The following TENM2 variants were observed in gnomAD, a reference collection of about 807,000 sequenced individuals.
TENM2 encodes teneurin transmembrane protein 2.
TENM2 carries 52 observed loss-of-function variants against 245.2 expected under a neutral mutation model. That is an observed-to-expected ratio of 0.21 (90% CI 0.17 to 0.27). The LOEUF is 0.27. TENM2 is among the 10% of genes least tolerant of loss of function. The probability of loss-of-function intolerance (pLI) is 1.00; values close to 1 mark genes in which losing one functional copy is unlikely to be tolerated. For missense variants in TENM2, 3,046 were observed against 3,666.8 expected (o/e 0.83, Z 4.37); for synonymous variants, 1,363 against 1,438.9 (o/e 0.95, Z 1.19).
chr5:167,532,356 T>G (rs913559818), intron 2 of TENM2, among the ~76,000 whole-genome samples: 17 of 152,058 alleles, frequency 1.1e-4, no homozygotes, highest in African/African-American at 4.1e-4. Flanking sequence ...AAGTTGCTAA[T>G]AAAGACATAC....
chr5:167,503,152 A>G (rs1306464421), intron 2 of TENM2, among the ~76,000 whole-genome samples: 2 of 152,198 alleles, frequency 1.3e-5, no homozygotes, highest in South Asian at 4.1e-4. Flanking sequence ...TACTAATCAA[A>G]GTAATACATT....
chr5:168,150,856 T>C (rs1193729854), intron 12 of TENM2, among the ~76,000 whole-genome samples: 1 of 152,216 alleles, frequency 6.6e-6, no homozygotes, highest in African/African-American at 2.4e-5. Flanking sequence ...ATTATGACCC[T>C]GGGAAAGTTA....
the TENM2 span, among the ~76,000 whole-genome samples, chr5:167,020,942 G>A: frequency 1.3e-5 from 2 of 152,136 alleles, no homozygotes; most frequent in African/African-American, 4.8e-5. Flanking sequence ...TTAGGAGTTC[G>A]AGTGCAGCCT....
intron 23 of TENM2, among the ~76,000 whole-genome samples, chr5:168,220,670 T>C (rs1020461575): frequency 2.0e-5 from 3 of 152,096 alleles, no homozygotes; most frequent in Admixed American, 6.6e-5. Context: ...GATCAGCCAA[T>C]TGGAAGACAC....
At chr5:167,458,998 A>G (rs1235145234) in intron 2 of TENM2, among the ~76,000 whole-genome samples, 1 of 152,244 alleles carries the variant, frequency 6.6e-6, no homozygotes, top group African/African-American at 2.4e-5. Flanking sequence ...GGTAAAACAC[A>G]TAACATAAAA....
At chr5:167,740,025 G>T (rs762917005) in intron 2 of TENM2, among the ~76,000 whole-genome samples, 9 of 152,174 alleles carry the variant, frequency 5.9e-5, no homozygotes, top group African/African-American at 2.2e-4. Context: ...AGATGCGGGG[G>T]TTTCTGCGAT....
intron 2 of TENM2, among the ~76,000 whole-genome samples, chr5:167,564,483 T>C (rs1773778336): frequency 6.6e-6 from 1 of 152,152 alleles, no homozygotes; most frequent in Admixed American, 6.5e-5. Context: ...GGAGTAAGAT[T>C]ATCTGGCTTA....
At chr5:168,147,913 G>A (rs1581447420) in intron 12 of TENM2, among the ~76,000 whole-genome samples, 2 of 152,214 alleles carry the variant, frequency 1.3e-5, no homozygotes, top group Admixed American at 6.5e-5. Flanking sequence ...AATGCTGGTG[G>A]TATGGAATTG....
chr5:167,515,674 T>TATATACACATATATAC (rs1770326140), intron 2 of TENM2, among the ~76,000 whole-genome samples: 3 of 128,614 alleles, frequency 2.3e-5, no homozygotes, highest in African/African-American at 1.2e-4. Flanking sequence ...TATATGTGTA[T>TATATACACATATATAC]ATATATTTTG....
intron 1 of TENM2, among the ~76,000 whole-genome samples, chr5:167,295,866 C>A (rs575733604): frequency 6.6e-6 from 1 of 152,282 alleles, no homozygotes; most frequent in Middle Eastern, 3.4e-3. Flanking sequence ...TTCCACTCAA[C>A]CTCAAGTCAG....
At chr5:167,338,175 G>A (rs1462084512) in intron 1 of TENM2, among the ~76,000 whole-genome samples, 2 of 152,164 alleles carry the variant, frequency 1.3e-5, no homozygotes, top group Non-Finnish European at 2.9e-5. Context: ...ATAGCAGAAC[G>A]TTACAAAGTT....
At chr5:167,937,831 A>G (rs1004605255) in intron 3 of TENM2, 5 of 152,136 alleles carry the variant, frequency 3.3e-5, no homozygotes, top group African/African-American at 1.2e-4. Flanking sequence ...AGAGATGAGG[A>G]CTGGATGATT....
chr5:168,025,450 G>C (rs767475665), intron 5 of TENM2, among the ~76,000 whole-genome samples: 1 of 152,154 alleles, frequency 6.6e-6, no homozygotes, highest in African/African-American at 2.4e-5. Flanking sequence ...GTTAGTGTTG[G>C]GTAATTGTTC....
intron 2 of TENM2, among the ~76,000 whole-genome samples, chr5:167,578,978 A>T (rs2127676991): frequency 6.6e-6 from 1 of 152,310 alleles, no homozygotes; most frequent in South Asian, 2.1e-4. Context: ...TTACCAGCCT[A>T]TTCAGGTGGA....
the TENM2 span, among the ~76,000 whole-genome samples, chr5:166,980,492 A>C: frequency 2.6e-4 from 39 of 152,312 alleles, no homozygotes; most frequent in Non-Finnish European, 3.8e-4. Context: ...TTTAAAAATT[A>C]ATATACAACA....
intron 7 of TENM2, among the ~76,000 whole-genome samples, chr5:168,062,869 A>G (rs555995186): frequency 6.6e-6 from 1 of 152,314 alleles, no homozygotes; most frequent in South Asian, 2.1e-4. Context: ...GGAACTGGGA[A>G]TTGGGGCTAA....
rs35115956 is a variant in TENM2 at position 168,121,810 on chromosome 5, G to A, written c.2009-3040G>A. 9.7e-4 allele frequency among the ~76,000 whole-genome samples: 147 copies of A among 151,998 alleles called. 2 individuals are homozygous for A. The South Asian group carries it at 0.018, about 19-fold the overall frequency. The stretch of plus-strand genomic sequence containing the variant: ...TTAAGAACAATTTTTGAAGCAATAA[G>A]CCACAAGATATTTTTGTGTATATTT... On this transcript the variant is annotated intron_variant, in intron 10 of 28. Transcript: ENST00000518659.
At chr5:166,980,835 G>A in the TENM2 span, among the ~76,000 whole-genome samples, 1 of 152,286 alleles carries the variant, frequency 6.6e-6, no homozygotes, top group South Asian at 2.1e-4. Context: ...CCAGTTCAGG[G>A]ATACTCTGAG....
intron 23 of TENM2, among the ~76,000 whole-genome samples, chr5:168,223,045 T>C (rs1370479890): frequency 1.3e-5 from 2 of 152,202 alleles, no homozygotes; most frequent in Non-Finnish European, 2.9e-5. Context: ...CACTCCTACA[T>C]GCAGTCATTT....
Sources: gnomAD v4.1 joint callset for allele counts (sites outside exome capture counted in the v4.1 genomes callset) on GRCh38, gnomAD v4.1.1 for gene constraint, MANE v1.5 for transcripts, NCBI Gene and HGNC (gene_info 2026-07-23, HGNC 2026-07-21) for gene names.